ADGRG3: variants seen among roughly 807,000 people sequenced by gnomAD.
ADGRG3 encodes adhesion G protein-coupled receptor G3.
ADGRG3 carries 39 observed loss-of-function variants against 54.3 expected under a neutral mutation model. The observed-to-expected ratio is 0.72, with a 90% confidence interval of 0.56 to 0.94. The LOEUF is 0.94. Ranked by LOEUF, ADGRG3 falls within the 40% of genes least tolerant of loss-of-function variation. The probability of loss-of-function intolerance (pLI) is 0.00; values close to 1 mark genes in which losing one functional copy is unlikely to be tolerated. For synonymous variants in ADGRG3, 312 were observed against 290.0 expected, an observed-to-expected ratio of 1.08 and a Z score of -0.77; for missense variants, 654 against 694.6, an observed-to-expected ratio of 0.94 and a Z score of 0.66.
chr16:57,680,709 T>G, intron 8 of ADGRG3, 92 bp downstream of exon 8: 1 of 852,590 alleles, frequency 1.2e-6, no homozygotes, highest in Non-Finnish European at 2.0e-6. Context: ...GTGCAGCCTC[T>G]GACCGTTGTC....
chr16:57,685,477 A>G (rs1468413665), intron 10 of ADGRG3, among the ~76,000 whole-genome samples, 166 bp from the exon 11 acceptor site: 1 of 152,198 alleles, frequency 6.6e-6, no homozygotes, highest in Non-Finnish European at 1.5e-5. Flanking sequence ...AAGAGACACC[A>G]GACTGGAGCC....
rs146166701 is a variant in ADGRG3, at chr16:57,677,216, G to T, written c.345+878G>T. 1.5e-3 allele frequency among the ~76,000 whole-genome samples: 234 copies of T among 152,318 alleles called. 1 individual carries two copies. Among genetic ancestry groups the T allele is most frequent in the African/African-American group, 5.4e-3 (225 of 41,572 alleles). ...AACCCCCTGTGCCAATGTGCATGGG[G>T]TGTTTCTGAGGCAGGCCCTGGGTGG... On this transcript the variant is annotated intron_variant, in intron 3 of 11. Coordinates refer to ENST00000333493, the MANE Select transcript of ADGRG3 (RefSeq NM_170776.5).
intron 8 of ADGRG3, among the ~76,000 whole-genome samples, chr16:57,683,630 T>C (rs1398750835): frequency 6.6e-6 from 1 of 152,226 alleles, no homozygotes; most frequent in Non-Finnish European, 1.5e-5. Context: ...TAATTCCCTT[T>C]GCTATTCTCC....
chr16:57,682,048 G>A (rs1235569943), intron 8 of ADGRG3, among the ~76,000 whole-genome samples: 8 of 152,266 alleles, frequency 5.3e-5, no homozygotes, highest in Admixed American at 2.6e-4. Flanking sequence ...CAGGCCATGT[G>A]TCTGCTCTTG....
At chr16:57,685,606 C>G (rs1411412324) in intron 10 of ADGRG3, 37 bp from the exon 11 acceptor site, 1 of 1,601,700 alleles carries the variant, frequency 6.2e-7, no homozygotes, top group Admixed American at 1.7e-5. Flanking sequence ...GCCAGAGGTA[C>G]CACTCCCAGT....
At position 57,676,251 on chromosome 16, in the gene ADGRG3, G is replaced by A. The variant is rs1339250314; in HGVS notation, c.258G>A (p.Lys86=). The A allele has an allele frequency of 1.2e-6, 2 of 1,613,964 alleles. No homozygotes were observed. Among genetic ancestry groups the A allele is most frequent in the Non-Finnish European group, 1.7e-6 (2 of 1,179,956 alleles). The change falls in exon 3 of 12, where the codon AAG becomes AAA. Residue 86 remains lysine, a synonymous_variant. Coordinates refer to ENST00000333493, the MANE Select transcript of ADGRG3 (RefSeq NM_170776.5). ...AHLMKEGLTQ[K]VNTPFLKALV... ...TGATGAAGGAAGGTTTGACGCAGAA[G>A]GTGAACACGCCTTTCCTGAAGGCTT...
chr16:57,684,756 C>T (rs560928968), intron 10 of ADGRG3, among the ~76,000 whole-genome samples: 41 of 152,272 alleles, frequency 2.7e-4, no homozygotes, highest in African/African-American at 7.9e-4. Context: ...TGGGCCAACA[C>T]GAGCCCACAT....
In ADGRG3 at chr16:57,678,315, A is replaced by G; in HGVS notation, c.491A>G (p.Lys164Arg). 2 of 1,614,150 alleles carry G rather than the reference A, an allele frequency of 1.2e-6. No individual in the cohort carries two copies. Among genetic ancestry groups the G allele is most frequent in the Non-Finnish European group, 1.7e-6 (2 of 1,179,990 alleles). Reference sequence around the variant, plus strand: ...GACATTGGTCCAGGGACTCTCTTCAAGGTGAGGACTCAGGGAAGCTCCAAG... The same window carrying G: ...GACATTGGTCCAGGGACTCTCTTCAGGGTGAGGACTCAGGGAAGCTCCAAG... ...ILDIGPGTLFKGPRLGLGDGS... is the reference protein window; with the variant it reads ...ILDIGPGTLFRGPRLGLGDGS... Residue 164 changes from lysine to arginine, a missense_variant and splice_region_variant, in exon 4 of 12, where the codon AAG becomes AGG. Coordinates refer to ENST00000333493, the MANE Select transcript of ADGRG3 (RefSeq NM_170776.5).
In ADGRG3 at chr16:57,685,737, G is replaced by C; in HGVS notation, c.1351G>C (p.Ala451Pro). 1.2e-6 allele frequency: 2 copies of C among 1,614,184 alleles called. No individual in the cohort carries two copies. Among genetic ancestry groups the C allele is most frequent in the Non-Finnish European group, 8.5e-7 (1 of 1,180,020 alleles). ...ITFLFGMVVL[A>P]LVVWKIFTLS... ...CTTCCTCTTTGGCATGGTGGTCCTG[G>C]CCCTGGTGGTCTGGAAGATCTTCAC... The change falls in exon 11 of 12, where the codon GCC (alanine) becomes CCC (proline). Residue 451 changes from alanine to proline, a missense_variant. Transcript: ENST00000333493.
At chr16:57,672,381 C>T (rs2048179169) in intron 1 of ADGRG3, among the ~76,000 whole-genome samples, 1 of 151,990 alleles carries the variant, frequency 6.6e-6, no homozygotes, top group African/African-American at 2.4e-5. Context: ...ACATTTTTTC[C>T]TTAAAAAAAT....
rs1044571005 is a variant in ADGRG3 at position 57,688,629 on chromosome 16, C to A, written c.*168C>A. 12 of 624,252 alleles carry A rather than the reference C, an allele frequency of 1.9e-5. No individual in the cohort carries two copies. The allele number at this position is 624,252 out of a possible 1,614,324, so 38.7% of individuals were successfully genotyped here. A position where few individuals can be genotyped will look rare whatever the true frequency, so the allele number is the denominator to read the frequency against. On this transcript the variant is annotated 3_prime_UTR_variant, in exon 12 of 12. Coordinates refer to ENST00000333493, the MANE Select transcript of ADGRG3 (RefSeq NM_170776.5). Reference sequence around the variant, plus strand: ...GTGGCATCAGAGGTCCCATCCAGATCCAACTATAGGTCCAAGAGTCCACGT... The same window carrying A: ...GTGGCATCAGAGGTCCCATCCAGATACAACTATAGGTCCAAGAGTCCACGT...
intron 1 of ADGRG3, among the ~76,000 whole-genome samples, chr16:57,671,332 G>GTTT (rs60592653): frequency 5.6e-4 from 48 of 86,350 alleles, no homozygotes; most frequent in Non-Finnish European, 7.5e-4. Flanking sequence ...TAGAATAGGA[G>GTTT]TTTTTTTTTT....
intron 5 of ADGRG3, among the ~76,000 whole-genome samples, chr16:57,679,564 C>T (rs573907895): frequency 2.0e-5 from 3 of 152,268 alleles, no homozygotes; most frequent in African/African-American, 4.8e-5. Flanking sequence ...TCCCCTGACA[C>T]GCACACATGC....
At chr16:57,686,959 G>A (rs564068038) in intron 11 of ADGRG3, 1 of 152,410 alleles carries the variant, frequency 6.6e-6, no homozygotes, top group East Asian at 1.9e-4. Flanking sequence ...TACATCCACA[G>A]CCCAGAGAGG....
At chr16:57,666,339 CCTT>C (rs1256476313), upstream of ADGRG3, among the ~76,000 whole-genome samples, 7 of 152,226 alleles carry the variant, frequency 4.6e-5, no homozygotes, top group African/African-American at 1.7e-4. Flanking sequence ...TTGGGTCTCA[CCTT>C]CTCAGGTAGG....
At chr16:57,674,892 A>G (rs2048230910) in intron 2 of ADGRG3, among the ~76,000 whole-genome samples, 1 of 147,864 alleles carries the variant, frequency 6.8e-6, no homozygotes, top group South Asian at 2.2e-4. Flanking sequence ...GCTACTCGGG[A>G]GGCTGAGGTG....
chr16:57,681,489 G>T (rs1333445557), intron 8 of ADGRG3, among the ~76,000 whole-genome samples: 1 of 152,174 alleles, frequency 6.6e-6, no homozygotes, highest in Non-Finnish European at 1.5e-5. Flanking sequence ...GGGAGGCCGA[G>T]GCAGGTAGAT....
At position 57,680,877 on chromosome 16, in the gene ADGRG3, G is replaced by C. The variant is rs150898756; in HGVS notation, c.881+260G>C. 4.3e-3 allele frequency among the ~76,000 whole-genome samples: 649 copies of C among 152,260 alleles called. 7 individuals carry two copies. The highest frequency in any genetic ancestry group is 0.014 in the African/African-American group (583 of 41,532). ...ACTGAGAATAGCAAATAGCAAATAG[G>C]GTTCATGTAATTGAAAAACCCAAGG... is the stretch of plus-strand genomic sequence containing the variant. On this transcript the variant is annotated intron_variant, in intron 8 of 11. Transcript: ENST00000333493.
rs77720891 is a variant in ADGRG3, at chr16:57,682,933, C to A, written c.882-999C>A. Among the ~76,000 whole-genome samples, 252 of 152,354 alleles carry A rather than the reference C, an allele frequency of 1.7e-3. 1 individual carries two copies. The East Asian group carries it at 0.033, about 20-fold the overall frequency. On this transcript the variant is annotated intron_variant, in intron 8 of 11. Coordinates refer to ENST00000333493, the MANE Select transcript of ADGRG3 (RefSeq NM_170776.5). ...ATCCCTGGTCCCACCACTGTTAGGC[C>A]TGAAGTTCACAGCATGGGAAAGACC... is the stretch of plus-strand genomic sequence containing the variant.
Sources: gnomAD v4.1 joint callset for allele counts (sites outside exome capture counted in the v4.1 genomes callset) on GRCh38, gnomAD v4.1.1 for gene constraint, MANE v1.5 for transcripts, NCBI Gene and HGNC (gene_info 2026-07-23, HGNC 2026-07-21) for gene names.